The following SGCD variants were observed in gnomAD, a reference collection of about 807,000 sequenced individuals.
SGCD encodes the protein delta-sarcoglycan.
A neutral mutation model predicts 36.6 loss-of-function variants in SGCD; 18 were observed. The observed-to-expected ratio is 0.49, with a 90% CI of 0.34 to 0.73. SGCD has a LOEUF of 0.73. Ranked by LOEUF, SGCD falls within the 30% of genes least tolerant of loss-of-function variation. The probability of loss-of-function intolerance (pLI) is 0.01; values close to 1 mark genes in which losing one functional copy is unlikely to be tolerated. For missense variants in SGCD, 387 were observed against 346.7 expected (o/e 1.12, Z -0.92); for synonymous variants, 133 against 130.6 (o/e 1.02, Z -0.12).
At chr5:156,022,004 A>C (rs1248046800) in intron 1 of SGCD, among the ~76,000 whole-genome samples, 1 of 152,136 alleles carries the variant, frequency 6.6e-6, no homozygotes, top group African/African-American at 2.4e-5. Flanking sequence ...CCCCAAAAGA[A>C]ACCCAGTATC....
At chr5:156,656,860 C>T (rs987118334) in intron 7 of SGCD, among the ~76,000 whole-genome samples, 12 of 152,118 alleles carry the variant, frequency 7.9e-5, no homozygotes, top group Non-Finnish European at 1.5e-4. Context: ...ATTACTCCCA[C>T]TATTATGCAC....
intron 7 of SGCD, among the ~76,000 whole-genome samples, chr5:156,750,164 A>ATGAT (rs934429564): frequency 3.5e-4 from 54 of 152,236 alleles, no homozygotes; most frequent in Non-Finnish European, 6.9e-4. Context: ...ACATTAATTA[A>ATGAT]TGATAGAAAC....
At chr5:156,357,064 A>G (rs913445113) in intron 3 of SGCD, among the ~76,000 whole-genome samples, 2 of 152,244 alleles carry the variant, frequency 1.3e-5, no homozygotes, top group African/African-American at 4.8e-5. Context: ...TGGTAGCCAC[A>G]GGAAACTGAT....
chr5:156,337,674 C>G (rs1219501547), intron 2 of SGCD, among the ~76,000 whole-genome samples: 3 of 152,268 alleles, frequency 2.0e-5, no homozygotes, highest in Admixed American at 1.3e-4. Flanking sequence ...TAGCACCTAA[C>G]TTTAGTTCTA....
chr5:156,393,162 G>A lies in SGCD; in HGVS notation c.192+48485G>A, dbSNP rs554709966. Among the ~76,000 whole-genome samples the A allele has an allele frequency of 2.6e-4, 39 of 152,270 alleles. No individual in the cohort carries two copies. The South Asian group carries it at 7.5e-3, about 29-fold the overall frequency. On this transcript the variant is annotated intron_variant, in intron 3 of 8. Transcript: ENST00000337851. ...AGCATTTCGCTTCTCTATCAGTAGG[G>A]AAACCAAGAGACAGGGACAGGACGG...
chr5:156,534,076 G>T (rs1339815741), intron 4 of SGCD, among the ~76,000 whole-genome samples: 1 of 152,080 alleles, frequency 6.6e-6, no homozygotes, highest in Non-Finnish European at 1.5e-5. Context: ...GTATTCATTA[G>T]TGGCAGCCTA....
At chr5:156,656,321 C>T (rs758361060) in intron 7 of SGCD, among the ~76,000 whole-genome samples, 63 of 151,796 alleles carry the variant, frequency 4.2e-4, no homozygotes, top group African/African-American at 1.1e-3. Flanking sequence ...AATACAATAC[C>T]GTGTGATAAT....
At chr5:156,332,257 A>G (rs1768105035) in intron 2 of SGCD, among the ~76,000 whole-genome samples, 1 of 152,314 alleles carries the variant, frequency 6.6e-6, no homozygotes, top group Non-Finnish European at 1.5e-5. Flanking sequence ...ATTTTGGTTC[A>G]CAAAGTGTTT....
chr5:156,766,225 ATTC>A lies in SGCD; in HGVS notation c.*6841_*6843del, dbSNP rs1294917775. 1 of 152,094 alleles carries A rather than the reference ATTC, an allele frequency of 6.6e-6. No homozygotes were observed. 9.4% of individuals were successfully genotyped at this position (152,094 alleles called of 1,614,324 possible). On this transcript the variant is annotated 3_prime_UTR_variant, in exon 9 of 9. Coordinates refer to ENST00000337851, the MANE Select transcript of SGCD (RefSeq NM_000337.6). ...TGATCTTTGACACTATTTGGTCAGT[ATTC>A]TTCTTTACCTTTACTTGTGGCAAAA...
intron 3 of SGCD, among the ~76,000 whole-genome samples, chr5:156,163,971 C>T (rs995147547): frequency 6.2e-5 from 9 of 146,182 alleles, no homozygotes; most frequent in Non-Finnish European, 1.0e-4. Flanking sequence ...TGCAGTGAGC[C>T]GAGATCATGC....
rs532031392 is a variant in SGCD, at chr5:156,056,982, T to C, written c.-281-60896T>C. On this transcript the variant is annotated intron_variant, in intron 1 of 9. Transcript: ENST00000517913. ...GAAACTAGCGCATCCCTAAGTACGT[T>C]TGAAATACTCCATGCAAGTGGTTTA... Among the ~76,000 whole-genome samples, 4 of 146,466 alleles carry C rather than the reference T, an allele frequency of 2.7e-5. No individual in the cohort carries two copies. In the South Asian group the frequency reaches 6.4e-4, roughly 24 times the overall value.
In SGCD at chr5:156,225,818, A is replaced by G. The variant is rs192617729; in HGVS notation, c.-44+101799A>G. On this transcript the variant is annotated intron_variant, in intron 3 of 9. Transcript: ENST00000517913. ...AAGAAAAGCACAGATAATAAATATT[A>G]AAAAAAAAACCTTAAAGGTTAAGAG... is the stretch of plus-strand genomic sequence containing the variant. 1.1e-3 allele frequency among the ~76,000 whole-genome samples: 159 copies of G among 148,666 alleles called. 2 individuals are homozygous for G. The highest frequency in any genetic ancestry group is 3.7e-3 in the African/African-American group (151 of 40,604).
At chr5:156,618,204 C>T (rs1031079844) in intron 6 of SGCD, among the ~76,000 whole-genome samples, 14 of 152,074 alleles carry the variant, frequency 9.2e-5, no homozygotes, top group Admixed American at 1.3e-4. Context: ...AAATGAGAGC[C>T]TACGAATCTA....
intron 3 of SGCD, among the ~76,000 whole-genome samples, chr5:156,213,600 T>A (rs994898956): frequency 6.6e-6 from 1 of 152,066 alleles, no homozygotes; most frequent in Non-Finnish European, 1.5e-5. Flanking sequence ...GAAGGGCTAC[T>A]TTCAAACTTA....
At chr5:156,657,676 T>C (rs1763747489) in intron 7 of SGCD, among the ~76,000 whole-genome samples, 1 of 152,028 alleles carries the variant, frequency 6.6e-6, no homozygotes, top group South Asian at 2.1e-4. Context: ...GGCAGGAGAA[T>C]CACTTGAACT....
At chr5:156,274,763 A>C (rs1766272142) in intron 3 of SGCD, among the ~76,000 whole-genome samples, 1 of 152,172 alleles carries the variant, frequency 6.6e-6, no homozygotes, top group South Asian at 2.1e-4. Flanking sequence ...TGCTTTGCTC[A>C]GCCATGCTCC....
chr5:156,440,108 C>A (rs549504808), intron 3 of SGCD, among the ~76,000 whole-genome samples: 1 of 152,184 alleles, frequency 6.6e-6, no homozygotes, highest in East Asian at 1.9e-4. Flanking sequence ...CGAAAGAAAA[C>A]CCCATGCCCA....
intron 6 of SGCD, among the ~76,000 whole-genome samples, chr5:156,644,209 G>A (rs997766532): frequency 5.3e-5 from 8 of 151,952 alleles, no homozygotes; most frequent in Non-Finnish European, 1.2e-4. Flanking sequence ...CAAATTTCAC[G>A]GATGCTATTT....
At chr5:156,254,000 C>A (rs961189321) in intron 3 of SGCD, among the ~76,000 whole-genome samples, 1 of 152,110 alleles carries the variant, frequency 6.6e-6, no homozygotes, top group African/African-American at 2.4e-5. Context: ...AATGATTTGT[C>A]TATATATTTG....
Sources: allele counts gnomAD v4.1 joint callset (sites outside exome capture counted in the v4.1 genomes callset), GRCh38; gene constraint gnomAD v4.1.1; transcripts MANE v1.5; gene names NCBI Gene and HGNC (gene_info 2026-07-23, HGNC 2026-07-21).